Variants in PTPRM observed in about 807,000 individuals in gnomAD.
PTPRM encodes protein tyrosine phosphatase receptor type M.
PTPRM carries 47 observed loss-of-function variants against 186.7 expected under a neutral mutation model. That is an observed-to-expected ratio of 0.25 (90% CI 0.20 to 0.32). The LOEUF (loss-of-function observed/expected upper bound fraction) is 0.32, where lower values mean the gene tolerates loss of function less well. Ranked by LOEUF, PTPRM falls within the 10% of genes least tolerant of loss-of-function variation. PTPRM has a pLI of 1.00. For missense variants in PTPRM, 1,494 were observed against 1,865.0 expected (o/e 0.80, Z 3.66); for synonymous variants, 668 against 674.9 (o/e 0.99, Z 0.16).
intron 14 of PTPRM, among the ~76,000 whole-genome samples, chr18:8,196,668 G>A (rs2093782600): frequency 6.6e-6 from 1 of 152,180 alleles, no homozygotes; most frequent in South Asian, 2.1e-4. Context: ...ATGTCAAAAA[G>A]CAGTTTGGAA....
At chr18:7,606,907 T>C (rs73385385) in intron 1 of PTPRM, among the ~76,000 whole-genome samples, 7,649 of 152,172 alleles carry the variant, frequency 0.05, 309 homozygotes, top group East Asian at 0.12. Flanking sequence ...ATCTTGGCCA[T>C]GGATTTTCTA....
intron 1 of PTPRM, among the ~76,000 whole-genome samples, chr18:7,632,885 T>G (rs1192914383): frequency 2.0e-5 from 3 of 152,212 alleles, no homozygotes; most frequent in African/African-American, 7.2e-5. Context: ...CTAAATAGTC[T>G]TATGTCAGCA....
Position 8,381,613 on chromosome 18 carries a change from C to A in PTPRM, c.3918+1186C>A, listed in dbSNP as rs368503673. On this transcript the variant is annotated intron_variant, in intron 29 of 32. Coordinates refer to ENST00000580170, the MANE Select transcript of PTPRM (RefSeq NM_001105244.2). ...TATCCAGTCCTTTTGGCTTAAGAAG[C>A]TTAAATATTTTAAAACTCTTCCCCA... 1.2e-4 allele frequency among the ~76,000 whole-genome samples: 18 copies of A among 152,244 alleles called. No homozygotes were observed. The East Asian group carries it at 1.9e-3, about 16-fold the overall frequency.
intron 11 of PTPRM, among the ~76,000 whole-genome samples, chr18:8,112,597 GAA>G (rs1304931456): frequency 6.6e-6 from 1 of 152,338 alleles, no homozygotes; most frequent in African/African-American, 2.4e-5. Context: ...CTCAGCATGA[GAA>G]AGGTTTTTTT....
chr18:7,794,406 G>A (rs903957794), intron 2 of PTPRM, among the ~76,000 whole-genome samples: 1 of 152,116 alleles, frequency 6.6e-6, no homozygotes, highest in Non-Finnish European at 1.5e-5. Context: ...CTGAAGAAGT[G>A]AACTACTCCC....
intron 1 of PTPRM, among the ~76,000 whole-genome samples, chr18:7,763,128 G>T (rs2041853696): frequency 6.6e-6 from 1 of 152,178 alleles, no homozygotes; most frequent in Non-Finnish European, 1.5e-5. Context: ...GTCATCCCCT[G>T]CACCCCCTTG....
intron 20 of PTPRM, among the ~76,000 whole-genome samples, chr18:8,307,051 T>C (rs2095229318): frequency 6.6e-6 from 1 of 152,228 alleles, no homozygotes; most frequent in African/African-American, 2.4e-5. Context: ...GTTGTTTTCA[T>C]AGTCATCTGA....
At chr18:7,772,244 T>TTTTTC (rs71165751) in intron 1 of PTPRM, among the ~76,000 whole-genome samples, 66,998 of 139,868 alleles carry the variant, frequency 0.48, 17,081 homozygotes, top group Non-Finnish European at 0.55. Flanking sequence ...GCTAAGATCT[T>TTTTTC]TTTTCTTTTC....
At chr18:8,318,120 C>CT (rs1215379999) in intron 21 of PTPRM, among the ~76,000 whole-genome samples, 1 of 151,884 alleles carries the variant, frequency 6.6e-6, no homozygotes, top group Non-Finnish European at 1.5e-5. Flanking sequence ...CTTCAAGTTT[C>CT]TTTTTTCTGT....
intron 29 of PTPRM, among the ~76,000 whole-genome samples, chr18:8,382,925 A>T (rs1207491644): frequency 6.6e-6 from 1 of 152,184 alleles, no homozygotes; most frequent in Non-Finnish European, 1.5e-5. Flanking sequence ...TTGGCCCAGG[A>T]TAGAAACAGG....
chr18:8,066,109 C>T (rs576317364), intron 7 of PTPRM, among the ~76,000 whole-genome samples: 2 of 152,024 alleles, frequency 1.3e-5, no homozygotes, highest in Non-Finnish European at 2.9e-5. Context: ...AAATCCATTT[C>T]TGGATCAGAA....
At chr18:8,402,642 A>G (rs9955719) in intron 32 of PTPRM, among the ~76,000 whole-genome samples, 16,944 of 152,182 alleles carry the variant, frequency 0.11, 1,440 homozygotes, top group East Asian at 0.27. Context: ...CCTGTGATTC[A>G]CAAAAGCATG....
chr18:8,355,050 A>G (rs7226445), intron 23 of PTPRM, among the ~76,000 whole-genome samples: 1 of 152,034 alleles, frequency 6.6e-6, no homozygotes, highest in Non-Finnish European at 1.5e-5. Context: ...AAAATCACAG[A>G]CAAGACAGAA....
At chr18:7,621,337 T>G (rs2037932765) in intron 1 of PTPRM, among the ~76,000 whole-genome samples, 1 of 152,224 alleles carries the variant, frequency 6.6e-6, no homozygotes, top group Non-Finnish European at 1.5e-5. Flanking sequence ...AGCAGTTTTA[T>G]GTTCACAGCA....
chr18:8,334,895 C>A (rs974694718), intron 22 of PTPRM, among the ~76,000 whole-genome samples: 1 of 152,084 alleles, frequency 6.6e-6, no homozygotes, highest in African/African-American at 2.4e-5. Flanking sequence ...TCCTCCTGTT[C>A]CCACTTCATC....
rs149809246 is a variant in PTPRM at position 7,866,251 on chromosome 18, C to G, written c.197-21855C>G. On this transcript the variant is annotated intron_variant, in intron 2 of 32. Coordinates refer to ENST00000580170, the MANE Select transcript of PTPRM (RefSeq NM_001105244.2). ...TAGCTTTTGATTTTGTTTGTTCTTG[C>G]TTCTCTAGTTCTTTTAATTGTGACG... 2.6e-3 allele frequency among the ~76,000 whole-genome samples: 401 copies of G among 152,090 alleles called. 1 individual carries two copies. The highest frequency in any genetic ancestry group is 4.6e-3 in the Non-Finnish European group (311 of 67,972).
chr18:7,842,930 G>GTGTGTGTGTGTGTGTATA (rs377182615), intron 2 of PTPRM, among the ~76,000 whole-genome samples: 5 of 100,934 alleles, frequency 5.0e-5, no homozygotes, highest in African/African-American at 2.0e-4. Flanking sequence ...GTGTGTGTGT[G>GTGTGTGTGTGTGTGTATA]TATATATATA....
intron 14 of PTPRM, among the ~76,000 whole-genome samples, chr18:8,214,182 G>C (rs1158861451): frequency 6.6e-6 from 1 of 152,128 alleles, no homozygotes; most frequent in Non-Finnish European, 1.5e-5. Context: ...GGTGGCAGGT[G>C]CACTAATATC....
At chr18:8,334,450 C>G (rs111741305) in intron 22 of PTPRM, among the ~76,000 whole-genome samples, 3 of 152,112 alleles carry the variant, frequency 2.0e-5, no homozygotes, top group African/African-American at 7.2e-5. Flanking sequence ...TAGGGCCTGC[C>G]CCCTGCCCTA....
Sources: allele counts gnomAD v4.1 joint callset (sites outside exome capture counted in the v4.1 genomes callset), GRCh38; gene constraint gnomAD v4.1.1; transcripts MANE v1.5; gene names NCBI Gene and HGNC (gene_info 2026-07-23, HGNC 2026-07-21).